FBXO31: variants seen among roughly 807,000 people sequenced by gnomAD.
FBXO31 encodes the protein F-box protein 31.
A neutral mutation model predicts 54.4 loss-of-function variants in FBXO31; 24 were observed. The observed-to-expected ratio is 0.44, with a 90% CI of 0.32 to 0.62. The LOEUF is 0.62. FBXO31 is among the 20% of genes least tolerant of loss of function. The pLI is 0.05. For missense variants in FBXO31, 665 were observed against 787.1 expected (o/e 0.84, Z 1.86); for synonymous variants, 388 against 335.6 (o/e 1.16, Z -1.71).
intron 2 of FBXO31, among the ~76,000 whole-genome samples, chr16:87,354,625 C>A (rs1905814337): frequency 6.6e-6 from 1 of 152,046 alleles, no homozygotes; most frequent in Admixed American, 6.5e-5. Flanking sequence ...CTCATGCACC[C>A]AAGGAAAAAA....
At chr16:87,354,035 C>T (rs1048900635) in intron 2 of FBXO31, among the ~76,000 whole-genome samples, 3 of 152,252 alleles carry the variant, frequency 2.0e-5, no homozygotes, top group East Asian at 3.8e-4. Flanking sequence ...GCCTGCTCCG[C>T]GTTCACCTCC....
intron 1 of FBXO31, among the ~76,000 whole-genome samples, chr16:87,370,439 C>T (rs1310572799): frequency 2.0e-5 from 3 of 152,244 alleles, no homozygotes; most frequent in Non-Finnish European, 4.4e-5. Flanking sequence ...GGCAACTTGG[C>T]AGGTGCCTGA....
chr16:87,343,418 CAG>C (rs1427060845), intron 4 of FBXO31, among the ~76,000 whole-genome samples, 178 bp downstream of exon 4: 1 of 152,262 alleles, frequency 6.6e-6, no homozygotes, highest in Non-Finnish European at 1.5e-5. Context: ...GTGACCGCTG[CAG>C]AGTCCACTGC....
chr16:87,371,737 T>C (rs1906611059), intron 1 of FBXO31, among the ~76,000 whole-genome samples: 1 of 152,218 alleles, frequency 6.6e-6, no homozygotes, highest in South Asian at 2.1e-4. Flanking sequence ...ATGCATTACG[T>C]CATTGCATTA....
intron 1 of FBXO31, among the ~76,000 whole-genome samples, chr16:87,361,522 C>T (rs981777874): frequency 3.3e-5 from 5 of 152,128 alleles, no homozygotes; most frequent in African/African-American, 7.2e-5. Flanking sequence ...CCTGTGGCAG[C>T]GAGGGAAACC....
At chr16:87,376,360 G>T (rs1906825622) in intron 1 of FBXO31, among the ~76,000 whole-genome samples, 1 of 151,148 alleles carries the variant, frequency 6.6e-6, no homozygotes, top group South Asian at 2.1e-4. Context: ...TGTAACCTCT[G>T]CCTCCAAGGT....
intron 8 of FBXO31, among the ~76,000 whole-genome samples, chr16:87,332,141 G>A (rs997307076): frequency 2.6e-5 from 4 of 152,240 alleles, no homozygotes; most frequent in Admixed American, 6.5e-5. Flanking sequence ...AAGGCCGGGG[G>A]AAAGAACAGC....
At chr16:87,390,207 G>T (rs535379065), upstream of FBXO31, among the ~76,000 whole-genome samples, 3 of 152,224 alleles carry the variant, frequency 2.0e-5, no homozygotes, top group African/African-American at 7.2e-5. Flanking sequence ...CCTGAACCCG[G>T]GAGGTGGAGG....
intron 5 of FBXO31, among the ~76,000 whole-genome samples, chr16:87,340,100 T>A (rs1281683259): frequency 1.3e-5 from 2 of 152,046 alleles, no homozygotes; most frequent in African/African-American, 4.8e-5. Context: ...CTGGCCAACA[T>A]GGGGAAAACC....
upstream of FBXO31, chr16:87,384,139 T>A (rs190261236): frequency 3.9e-4 from 60 of 153,926 alleles, no homozygotes; most frequent in African/African-American, 1.4e-3. Context: ...GAGATAGGGG[T>A]CGCCCCTCGC....
chr16:87,328,650 A>G lies in FBXO31; in HGVS notation c.*2638T>C, dbSNP rs1212131580. Reference sequence around the variant, plus strand: ...CTCCAATGACCTCTCTGAAATCTTCAATCACATCATTTCCAAACAAGTGAC... The same window carrying G: ...CTCCAATGACCTCTCTGAAATCTTCGATCACATCATTTCCAAACAAGTGAC... On this transcript the variant is annotated 3_prime_UTR_variant, in exon 9 of 9. Transcript: ENST00000311635. The G allele has an allele frequency of 6.6e-6, 1 of 152,242 alleles. No individual in the cohort carries two copies. Among genetic ancestry groups the G allele is most frequent in the East Asian group, 1.9e-4 (1 of 5,204 alleles). 9.4% of individuals were successfully genotyped at this position (152,242 alleles called of 1,614,324 possible).
At chr16:87,390,548 C>T (rs1266770270), upstream of FBXO31, among the ~76,000 whole-genome samples, 3 of 151,578 alleles carry the variant, frequency 2.0e-5, no homozygotes, top group Non-Finnish European at 4.4e-5. Flanking sequence ...TCAAGCGATT[C>T]TCCTGCCTCA....
At position 87,338,349 on chromosome 16, in the gene FBXO31, AGAGGGGGCT is replaced by A. The variant is rs1043924770; in HGVS notation, c.733-2094_733-2086del. ...TCGCGACCCTCGTGGCAGCGCCGGC[AGAGGGGGCT>A]GAGGGTGACAAGGATGCCTGCTGGC... On this transcript the variant is annotated intron_variant, in intron 5 of 8. Transcript: ENST00000311635. This position sits in a 1 kb window ranked among gnomAD's most constrained non-coding sequence, Gnocchi z 4.3. 2.0e-5 allele frequency among the ~76,000 whole-genome samples: 3 copies of A among 152,098 alleles called. No individual in the cohort carries two copies. The highest frequency in any genetic ancestry group is 4.4e-5 in the Non-Finnish European group (3 of 68,018).
chr16:87,368,544 C>A (rs752516137), intron 1 of FBXO31, among the ~76,000 whole-genome samples: 1 of 152,190 alleles, frequency 6.6e-6, no homozygotes, highest in East Asian at 1.9e-4. Context: ...GCTGCCTACC[C>A]GCTTCCAGGC....
Position 87,372,645 on chromosome 16 carries a change from CA to C in FBXO31, c.340+10759del, listed in dbSNP as rs1452544347. 1.3e-5 allele frequency among the ~76,000 whole-genome samples: 2 copies of C among 152,024 alleles called. 1 individual carries two copies. Among genetic ancestry groups the C allele is most frequent in the South Asian group, 4.1e-4 (2 of 4,822 alleles). On this transcript the variant is annotated intron_variant, in intron 1 of 8. Transcript: ENST00000311635. The stretch of plus-strand genomic sequence containing the variant: ...GTAAGATCGCAGGTCACTGCAGACT[CA>C]AACTCCTGGGCTCATGTGATTCTCC...
At chr16:87,348,930 C>T (rs970072373) in intron 2 of FBXO31, among the ~76,000 whole-genome samples, 12 of 152,216 alleles carry the variant, frequency 7.9e-5, no homozygotes, top group African/African-American at 2.4e-4. Flanking sequence ...GCAGAAGCAT[C>T]GCTCACTCGG....
chr16:87,337,808 T>G (rs1406465774), intron 5 of FBXO31, among the ~76,000 whole-genome samples: 1 of 148,212 alleles, frequency 6.7e-6, no homozygotes, highest in African/African-American at 2.5e-5. Context: ...CCTGATGTGA[T>G]GCTACCAAAC....
At chr16:87,342,055 T>C (rs1905212651) in intron 5 of FBXO31, among the ~76,000 whole-genome samples, 1 of 152,190 alleles carries the variant, frequency 6.6e-6, no homozygotes, top group African/African-American at 2.4e-5. Flanking sequence ...CATGGTAGCA[T>C]GCCTGGCTAA....
intron 1 of FBXO31, among the ~76,000 whole-genome samples, chr16:87,363,610 G>T (rs1177842592): frequency 1.3e-5 from 2 of 150,800 alleles, no homozygotes; most frequent in Non-Finnish European, 2.9e-5. Flanking sequence ...CAACTGTCCA[G>T]GGTGACTGGC....
Sources: allele counts gnomAD v4.1 joint callset (sites outside exome capture counted in the v4.1 genomes callset), GRCh38; gene constraint gnomAD v4.1.1; non-coding constraint Gnocchi (gnomAD v3.1); transcripts MANE v1.5; gene names NCBI Gene and HGNC (gene_info 2026-07-23, HGNC 2026-07-21).